Variants in KATNAL2 observed in about 807,000 individuals in gnomAD.
The protein encoded by KATNAL2 is katanin p60 ATPase-containing subunit A-like 2.
A neutral mutation model predicts 76.3 loss-of-function variants in KATNAL2; 52 were observed. The ratio of observed to expected loss-of-function variants is 0.68; its 90% CI spans 0.55 to 0.86. KATNAL2 has a LOEUF of 0.86. Ranked by LOEUF, KATNAL2 falls within the 40% of genes least tolerant of loss-of-function variation. The pLI, the probability that KATNAL2 is intolerant of heterozygous loss-of-function variation, is 0.00. For synonymous variants in KATNAL2, 243 were observed against 244.2 expected, an observed-to-expected ratio of 1.00 and a Z score of 0.05; for missense variants, 660 against 668.9, an observed-to-expected ratio of 0.99 and a Z score of 0.15.
Position 47,058,357 on chromosome 18 carries a change from G to C in KATNAL2, c.450+5G>C. 1 of 1,561,220 alleles carries C rather than the reference G, an allele frequency of 6.4e-7. No homozygotes were observed. On this transcript the variant is annotated splice_donor_5th_base_variant and intron_variant, in intron 7 of 17. Coordinates refer to ENST00000683218, the MANE Select transcript of KATNAL2 (RefSeq NM_001387690.1). ...AATAAGGAGCATCCTAATCAGGTCA[G>C]GATGGCTTGGCTTGACTTTGTGAAC...
At chr18:46,932,261 C>T (rs1435660109) in intron 1 of KATNAL2, among the ~76,000 whole-genome samples, 1 of 152,076 alleles carries the variant, frequency 6.6e-6, no homozygotes, top group Non-Finnish European at 1.5e-5. Flanking sequence ...ACAAAATTTA[C>T]ATTTAGGAGC....
chr18:47,067,334 G>A lies in KATNAL2; in HGVS notation c.825+215G>A, dbSNP rs191631855. On this transcript the variant is annotated intron_variant, in intron 11 of 17. Transcript: ENST00000683218. ...TATTACATATTAGTTCAAGACAGGTGTCTGAGCTAAGTGAAACTTTAAAAT... is the reference window on the plus strand; with the variant it reads ...TATTACATATTAGTTCAAGACAGGTATCTGAGCTAAGTGAAACTTTAAAAT... Among the ~76,000 whole-genome samples, 20 of 152,236 alleles carry A rather than the reference G, an allele frequency of 1.3e-4. No homozygotes were observed. The East Asian group carries it at 3.7e-3, about 28-fold the overall frequency.
chr18:47,071,831 C>T (rs888026203), intron 13 of KATNAL2, among the ~76,000 whole-genome samples: 4 of 148,934 alleles, frequency 2.7e-5, no homozygotes, highest in African/African-American at 7.5e-5. Flanking sequence ...AAGTTTTCCT[C>T]TGGTTCAGTA....
intron 1 of KATNAL2, among the ~76,000 whole-genome samples, chr18:46,927,395 GA>G (rs1255865695): frequency 6.6e-6 from 1 of 152,114 alleles, no homozygotes; most frequent in African/African-American, 2.4e-5. Context: ...TTTTCTTTAA[GA>G]ATGTTGAATA....
chr18:47,034,543 C>T (rs2060662199), intron 3 of KATNAL2: 1 of 1,614,126 alleles, frequency 6.2e-7, no homozygotes, highest in Non-Finnish European at 8.5e-7. Flanking sequence ...GTGCCAATCT[C>T]CCTGGGCACA....
chr18:47,047,066 G>A (rs1228731208), intron 4 of KATNAL2, among the ~76,000 whole-genome samples: 2 of 152,106 alleles, frequency 1.3e-5, no homozygotes, highest in African/African-American at 2.4e-5. Flanking sequence ...GACTGCTGGT[G>A]TGTACCATCA....
At chr18:46,928,057 G>A (rs2058785028) in intron 1 of KATNAL2, among the ~76,000 whole-genome samples, 1 of 152,102 alleles carries the variant, frequency 6.6e-6, no homozygotes, top group Non-Finnish European at 1.5e-5. Flanking sequence ...GGAGTAGTTT[G>A]ATCGTCTGAA....
In KATNAL2 at chr18:47,099,282, G is replaced by A; in HGVS notation, c.1251G>A (p.Arg417=). 1 of 1,614,132 alleles carries A rather than the reference G, an allele frequency of 6.2e-7. No individual in the cohort carries two copies. Among genetic ancestry groups the A allele is most frequent in the Non-Finnish European group, 8.5e-7 (1 of 1,179,976 alleles). Reference sequence around the variant, plus strand: ...CCATGTTACGCCGCCTGGAGAAGAGGATTCTGGTCGATCTCCCCAGCCGGG... The same window carrying A: ...CCATGTTACGCCGCCTGGAGAAGAGAATTCTGGTCGATCTCCCCAGCCGGG... ...DCAMLRRLEK[R]ILVDLPSREA... is the part of the protein sequence containing the mutation. Residue 417 remains arginine (R), a synonymous_variant, in exon 16 of 18, where the codon AGG becomes AGA. Transcript: ENST00000683218.
At position 46,954,181 on chromosome 18, in the gene KATNAL2, C is replaced by T. The variant is rs117315066; in HGVS notation, c.51+7258C>T. Among the ~76,000 whole-genome samples the T allele has an allele frequency of 9.0e-4, 136 of 151,918 alleles. 2 individuals carry two copies. The East Asian group carries it at 0.024, about 27-fold the overall frequency. On this transcript the variant is annotated intron_variant, in intron 3 of 17. Coordinates refer to ENST00000683218, the MANE Select transcript of KATNAL2 (RefSeq NM_001387690.1). Reference sequence around the variant, plus strand: ...TGATTGGAGAAGGGGAGGGAATCTGCAATACCCTGTTCAGCATGCTCTTTA... The same window carrying T: ...TGATTGGAGAAGGGGAGGGAATCTGTAATACCCTGTTCAGCATGCTCTTTA...
At chr18:47,084,291 A>T (rs777990635) in intron 15 of KATNAL2, 5 of 701,652 alleles carry the variant, frequency 7.1e-6, no homozygotes, top group African/African-American at 3.5e-5. Context: ...CATGCATGTG[A>T]TTGGAGGGAT....
chr18:47,075,801 C>T (rs1300797271), intron 14 of KATNAL2, among the ~76,000 whole-genome samples: 5 of 152,338 alleles, frequency 3.3e-5, no homozygotes, highest in East Asian at 1.9e-4. Context: ...CAGTCCTCGA[C>T]GGTGTGTGAA....
At chr18:47,050,687 A>G (rs150567869) in intron 4 of KATNAL2, among the ~76,000 whole-genome samples, 49 of 152,372 alleles carry the variant, frequency 3.2e-4, no homozygotes, top group African/African-American at 1.2e-3. Context: ...AATGAACTAT[A>G]GGTATTTTTA....
rs754869038 is a variant in KATNAL2, at chr18:47,033,238, G to A, written c.52-13219G>A. The stretch of plus-strand genomic sequence containing the variant: ...AGTGTGGCTGCTTCCCGCGGGCTTG[G>A]AGGCTGGCTTGATCTCCCCATTTTC... On this transcript the variant is annotated intron_variant, in intron 3 of 17. Coordinates refer to ENST00000683218, the MANE Select transcript of KATNAL2 (RefSeq NM_001387690.1). 5.0e-6 allele frequency: 8 copies of A among 1,613,734 alleles called. No homozygotes were observed. In the East Asian group the frequency reaches 1.8e-4, roughly 36 times the overall value.
intron 6 of KATNAL2, among the ~76,000 whole-genome samples, chr18:47,055,230 T>C (rs922426051): frequency 1.3e-5 from 2 of 152,190 alleles, no homozygotes; most frequent in Non-Finnish European, 2.9e-5. Context: ...GGGCCAGCTC[T>C]GGGGCATCGC....
Position 47,101,098 on chromosome 18 carries a change from A to G in KATNAL2, c.*93A>G, listed in dbSNP as rs531611377. The G allele has an allele frequency of 7.6e-5, 107 of 1,416,138 alleles. 1 individual carries two copies. In the South Asian group the frequency reaches 8.8e-4, roughly 12 times the overall value. The allele number at this position is 1,416,138 out of a possible 1,614,324, so 87.7% of individuals were successfully genotyped here. Reference sequence around the variant, plus strand: ...GGAGAACAAAATGATTGGAATGGAAAAGAGAAAATTATTTTTGAAGACTGG... The same window carrying G: ...GGAGAACAAAATGATTGGAATGGAAGAGAGAAAATTATTTTTGAAGACTGG... On this transcript the variant is annotated 3_prime_UTR_variant, in exon 18 of 18. Coordinates refer to ENST00000683218, the MANE Select transcript of KATNAL2 (RefSeq NM_001387690.1).
chr18:46,961,776 T>C (rs576308086), intron 3 of KATNAL2, among the ~76,000 whole-genome samples: 2 of 152,260 alleles, frequency 1.3e-5, no homozygotes, highest in East Asian at 1.9e-4. Context: ...CCAAGGCCAG[T>C]CTATTTTGAT....
At chr18:47,093,286 T>C (rs116466615) in intron 15 of KATNAL2, among the ~76,000 whole-genome samples, 2,488 of 152,282 alleles carry the variant, frequency 0.016, 65 homozygotes, top group African/African-American at 0.057. Flanking sequence ...CTTAGTTAAG[T>C]ACTAGTTAAG....
chr18:47,093,985 A>C (rs1426420626), intron 15 of KATNAL2, among the ~76,000 whole-genome samples: 1 of 152,144 alleles, frequency 6.6e-6, no homozygotes, highest in Non-Finnish European at 1.5e-5. Flanking sequence ...TGTGTTCCTC[A>C]AAATTCATGT....
At chr18:47,087,771 TG>T (rs1264242872) in intron 15 of KATNAL2, among the ~76,000 whole-genome samples, 8 of 152,192 alleles carry the variant, frequency 5.3e-5, no homozygotes, top group Non-Finnish European at 1.0e-4. Context: ...TGTGTGTGTG[TG>T]TGTGTGTGTG....
Sources: gnomAD v4.1 joint callset for allele counts (sites outside exome capture counted in the v4.1 genomes callset) on GRCh38, gnomAD v4.1.1 for gene constraint, MANE v1.5 for transcripts, NCBI Gene and HGNC (gene_info 2026-07-23, HGNC 2026-07-21) for gene names.